PLCH2: variants seen among roughly 807,000 people sequenced by gnomAD.
PLCH2 encodes phospholipase C eta 2, also known as 1-phosphatidylinositol 4,5-bisphosphate phosphodiesterase eta-2.
In PLCH2, 98 loss-of-function variants were observed where a neutral mutation model predicts 134.7. The observed-to-expected ratio is 0.73, with a 90% CI of 0.62 to 0.86. The LOEUF (loss-of-function observed/expected upper bound fraction) is 0.86, where lower values mean the gene tolerates loss of function less well. Ranked by LOEUF, PLCH2 falls within the 40% of genes least tolerant of loss-of-function variation. The pLI, the probability that PLCH2 is intolerant of heterozygous loss-of-function variation, is 0.00. For synonymous variants in PLCH2, 974 were observed against 827.5 expected (o/e 1.18, Z -3.04); for missense variants, 1,994 against 1,986.6 (o/e 1.00, Z -0.07).
chr1:2,484,845 A>G (rs1471322495), intron 5 of PLCH2, among the ~76,000 whole-genome samples: 1 of 152,074 alleles, frequency 6.6e-6, no homozygotes, highest in East Asian at 1.9e-4. Context: ...TTTAGTTTTG[A>G]TATTACAGGG....
At position 2,476,613 on chromosome 1, in the gene PLCH2, G is replaced by T; in HGVS notation, c.25G>T (p.Asp9Tyr). The T allele has an allele frequency of 6.3e-7, 1 of 1,588,650 alleles. No individual in the cohort carries two copies. The highest frequency in any genetic ancestry group is 8.5e-7 in the Non-Finnish European group (1 of 1,170,066). ...CATGTCTGGTCCATGGCCCTCCCCCGACAGCCGGACCAAGGGAACGGTGGC... is the reference window on the plus strand; with the variant it reads ...CATGTCTGGTCCATGGCCCTCCCCCTACAGCCGGACCAAGGGAACGGTGGC... Reference protein sequence around the residue: MSGPWPSPDSRTKGTVAWL... With the variant: MSGPWPSPYSRTKGTVAWL... The change falls in exon 1 of 22, where the codon GAC becomes TAC. Residue 9 changes from aspartate to tyrosine, a missense_variant. This residue lies in a region of PLCH2 where 1,094 missense variants were observed against 1,234.3 expected (regional missense o/e 0.89). Transcript: ENST00000378486.
At chr1:2,417,282 G>T in the PLCH2 span, among the ~76,000 whole-genome samples, 1 of 152,208 alleles carries the variant, frequency 6.6e-6, no homozygotes, top group Non-Finnish European at 1.5e-5. Flanking sequence ...GGAGATCTGG[G>T]AGGACTTCCT....
At chr1:2,501,205 C>G (rs1643206757) in intron 20 of PLCH2, 2 of 152,148 alleles carry the variant, frequency 1.3e-5, no homozygotes, top group Admixed American at 6.5e-5. Context: ...GGGTGACCCA[C>G]CTGCCGGGCC....
rs988843633 is a variant in PLCH2 at position 2,502,243 on chromosome 1, C to T, written c.2793C>T (p.Ser931=). Residue 931 remains serine (S), a synonymous_variant, in exon 21 of 22, where the codon AGC becomes AGT. Coordinates refer to ENST00000378486, the MANE Select transcript of PLCH2 (RefSeq NM_014638.4). ...VSQRILRRTA[S]APTKSQKPGR... is the part of the protein sequence containing the mutation. ...AGCGGATCCTGCGGCGCACGGCCAG[C>T]GCCCCGACCAAGAGCCAGAAGCCGG... 1.6e-5 allele frequency: 25 copies of T among 1,541,080 alleles called. No homozygotes were observed. Among genetic ancestry groups the T allele is most frequent in the African/African-American group, 9.6e-5 (7 of 72,578 alleles).
At chr1:2,502,991 T>C (rs753846942) in intron 21 of PLCH2, 16 of 716,442 alleles carry the variant, frequency 2.2e-5, no homozygotes, top group Non-Finnish European at 4.2e-5. Context: ...TGCTTCTGCG[T>C]GGACGGTGTC....
At chr1:2,446,573 A>C (rs1639952669) in intron 2 of PLCH2, among the ~76,000 whole-genome samples, 1 of 152,190 alleles carries the variant, frequency 6.6e-6, no homozygotes, top group Non-Finnish European at 1.5e-5. Context: ...CGCACATTGG[A>C]GGCAGAGGGA....
At chr1:2,497,371 T>C in intron 15 of PLCH2, 131 bp from the exon 16 acceptor site, 2 of 645,552 alleles carry the variant, frequency 3.1e-6, no homozygotes, top group Non-Finnish European at 5.5e-6. Context: ...CCATTCACAT[T>C]GGGTGAACGA....
chr1:2,428,964 C>T (rs1638937631), intron 1 of PLCH2, among the ~76,000 whole-genome samples: 1 of 151,992 alleles, frequency 6.6e-6, no homozygotes, highest in African/African-American at 2.4e-5. Flanking sequence ...GGGTGGTGGC[C>T]CAATGCCCTC....
rs1199083674 is a variant in PLCH2, at chr1:2,476,505, G to T, written c.-84G>T. 7.5e-6 allele frequency: 10 copies of T among 1,335,526 alleles called. No individual in the cohort carries two copies. Among genetic ancestry groups the T allele is most frequent in the African/African-American group, 1.5e-5 (1 of 67,150 alleles). 82.7% of individuals were successfully genotyped at this position (1,335,526 alleles called of 1,614,324 possible). A position where few individuals can be genotyped will look rare whatever the true frequency, so the allele number is the denominator to read the frequency against. On this transcript the variant is annotated 5_prime_UTR_variant, in exon 1 of 22. Transcript: ENST00000378486. ...AGGCCCCACGGAGGTCCTGTCGCCA[G>T]CGCTGCCACTGCCTGACCTCCGCTG...
intron 2 of PLCH2, among the ~76,000 whole-genome samples, chr1:2,460,244 T>C (rs1049587825): frequency 6.6e-6 from 1 of 151,988 alleles, no homozygotes; most frequent in Non-Finnish European, 1.5e-5. Flanking sequence ...TGCCCCGGGG[T>C]CCCAGGCCGG....
chr1:2,455,678 G>A (rs1429687890), intron 2 of PLCH2, among the ~76,000 whole-genome samples: 2 of 152,168 alleles, frequency 1.3e-5, no homozygotes, highest in Non-Finnish European at 2.9e-5. Flanking sequence ...CTTCAGAGGA[G>A]CGGCCCCAGG....
intron 2 of PLCH2, among the ~76,000 whole-genome samples, chr1:2,459,819 C>T (rs1640723533): frequency 1.3e-5 from 2 of 152,264 alleles, no homozygotes; most frequent in African/African-American, 4.8e-5. Flanking sequence ...GAGTAATTCA[C>T]ACGCAGGACC....
rs1006373628 is a variant in PLCH2 at position 2,444,731 on chromosome 1, C to T, written c.115+14102C>T. ...GGAGGCAGCCAAGGTGGCCACTGAT[C>T]CCCACTGTGACCACTGAGACCACTG... On this transcript the variant is annotated intron_variant, in intron 2 of 3. Transcript: ENST00000609981. This position sits in a 1 kb window ranked among gnomAD's most constrained non-coding sequence, Gnocchi z 4.6. Among the ~76,000 whole-genome samples, 9 of 152,006 alleles carry T rather than the reference C, an allele frequency of 5.9e-5. No homozygotes were observed. The highest frequency in any genetic ancestry group is 1.9e-4 in the African/African-American group (8 of 41,396).
chr1:2,502,786 C>T (rs772259920), intron 21 of PLCH2: 21 of 716,710 alleles, frequency 2.9e-5, no homozygotes, highest in Admixed American at 6.0e-5. Flanking sequence ...CGGGCATCCC[C>T]GAAAGGTCCC....
chr1:2,441,434 C>T (rs1186451282), intron 2 of PLCH2, among the ~76,000 whole-genome samples: 1 of 152,186 alleles, frequency 6.6e-6, no homozygotes, highest in Non-Finnish European at 1.5e-5. Flanking sequence ...ATTCACAGCA[C>T]CGAGCTCTGT....
At chr1:2,479,664 T>C (rs1641841998) in intron 2 of PLCH2, 70 bp from the exon 3 acceptor site, 2 of 1,475,280 alleles carry the variant, frequency 1.4e-6, no homozygotes, top group African/African-American at 2.8e-5. Flanking sequence ...GTCTCCGCAG[T>C]GTTGGGGCTG....
rs1390013255 is a variant in PLCH2, at chr1:2,504,526, G to C, written c.3564G>C (p.Ser1188=). ...TGCCCCCCAGGCCCCACTCGGCTTCGGCTGCCCGCCCAGACCTGCCACCTG... is the reference window on the plus strand; with the variant it reads ...TGCCCCCCAGGCCCCACTCGGCTTCCGCTGCCCGCCCAGACCTGCCACCTG... ...GRLPPRPHSA[S]AARPDLPPVT... Residue 1188 remains serine (S), a synonymous_variant, in exon 22 of 22, where the codon TCG becomes TCC. Transcript: ENST00000378486. 2.5e-6 allele frequency: 4 copies of C among 1,612,494 alleles called. No individual in the cohort carries two copies. The highest frequency in any genetic ancestry group is 1.7e-6 in the Non-Finnish European group (2 of 1,179,710).
At chr1:2,433,190 C>T (rs1639150712) in intron 2 of PLCH2, among the ~76,000 whole-genome samples, 1 of 152,202 alleles carries the variant, frequency 6.6e-6, no homozygotes, top group Non-Finnish European at 1.5e-5. Flanking sequence ...CAGATTGGCT[C>T]CCGGCCCCCG....
At chr1:2,443,572 G>A (rs1343115705) in intron 2 of PLCH2, among the ~76,000 whole-genome samples, 1 of 151,660 alleles carries the variant, frequency 6.6e-6, no homozygotes, top group Admixed American at 6.6e-5. Flanking sequence ...CTTTGGCTGC[G>A]GCGGGCGCAG....
Sources: gnomAD v4.1 joint callset for allele counts (sites outside exome capture counted in the v4.1 genomes callset) on GRCh38, gnomAD v4.1.1 for gene constraint, gnomAD v4.1.1 regional missense constraint, Gnocchi (gnomAD v3.1) non-coding constraint, MANE v1.5 for transcripts, NCBI Gene and HGNC (gene_info 2026-07-23, HGNC 2026-07-21) for gene names.